NLK: variants seen among roughly 807,000 people sequenced by gnomAD.
The protein encoded by NLK is nemo like kinase.
Under a neutral mutation model 59.0 loss-of-function variants are expected in NLK, and 11 were observed. That is an observed-to-expected ratio of 0.19 (90% CI 0.12 to 0.31). The LOEUF is 0.31. Ranked by LOEUF, NLK falls within the 10% of genes least tolerant of loss-of-function variation. The pLI, the probability that NLK is intolerant of heterozygous loss-of-function variation, is 1.00. For missense variants in NLK, 410 were observed against 661.1 expected (o/e 0.62, Z 4.16); for synonymous variants, 235 against 235.9 (o/e 1.00, Z 0.03).
chr17:28,137,238 T>C (rs1303965408), intron 3 of NLK, among the ~76,000 whole-genome samples: 2 of 152,180 alleles, frequency 1.3e-5, no homozygotes, highest in Non-Finnish European at 2.9e-5. Context: ...CCTGGAATTA[T>C]GCTTTTAAGA....
intron 1 of NLK, among the ~76,000 whole-genome samples, chr17:28,117,587 G>C (rs1415555204): frequency 6.6e-6 from 1 of 152,146 alleles, no homozygotes. Context: ...ATATTTTGCT[G>C]CTCCTAAGGA....
chr17:28,130,279 CACTT>C (rs1211683553), intron 2 of NLK, among the ~76,000 whole-genome samples: 1 of 152,126 alleles, frequency 6.6e-6, no homozygotes, highest in Non-Finnish European at 1.5e-5. Context: ...TATACCTTCT[CACTT>C]ACTCATTTAC....
At chr17:28,048,048 G>A (rs867259023) in intron 1 of NLK, 19 of 397,940 alleles carry the variant, frequency 4.8e-5, no homozygotes, top group South Asian at 1.3e-4. Flanking sequence ...AAAAGGAAAC[G>A]GTTGCTCTTC....
chr17:28,191,919 G>A (rs1304851959), intron 9 of NLK, among the ~76,000 whole-genome samples: 1 of 152,200 alleles, frequency 6.6e-6, no homozygotes, highest in East Asian at 1.9e-4. Flanking sequence ...AATGCCACCA[G>A]TAGGTTTCTT....
At chr17:28,114,501 T>C (rs1472217652) in intron 1 of NLK, among the ~76,000 whole-genome samples, 1 of 152,228 alleles carries the variant, frequency 6.6e-6, no homozygotes, top group Non-Finnish European at 1.5e-5. Context: ...TCTTCTCCTA[T>C]GTGACTTGCA....
chr17:28,090,168 C>T (rs749479270), intron 1 of NLK, among the ~76,000 whole-genome samples: 6 of 152,236 alleles, frequency 3.9e-5, no homozygotes, highest in Middle Eastern at 3.4e-3. Flanking sequence ...ACATCTTTAA[C>T]CTATCACAGT....
intron 3 of NLK, among the ~76,000 whole-genome samples, chr17:28,134,182 G>A (rs1906637729): frequency 6.6e-6 from 1 of 152,090 alleles, no homozygotes; most frequent in Non-Finnish European, 1.5e-5. Context: ...CAGATCACTT[G>A]AGCCCAGGAG....
chr17:28,093,483 T>A (rs1904583707), intron 1 of NLK, among the ~76,000 whole-genome samples: 1 of 152,134 alleles, frequency 6.6e-6, no homozygotes. Flanking sequence ...ATAAAAAAAA[T>A]TCTGTGAAAT....
At chr17:28,150,856 G>A (rs1228523947) in intron 3 of NLK, among the ~76,000 whole-genome samples, 1 of 152,162 alleles carries the variant, frequency 6.6e-6, no homozygotes, top group African/African-American at 2.4e-5. Flanking sequence ...GTTTAAATAG[G>A]AGAGATGGTT....
chr17:28,185,290 T>G lies in NLK; in HGVS notation c.1236+25T>G, dbSNP rs761702417. The G allele has an allele frequency of 2.9e-6, 4 of 1,373,086 alleles. No individual in the cohort carries two copies. The African/African-American group carries it at 5.9e-5, about 20-fold the overall frequency. The allele number at this position is 1,373,086 out of a possible 1,614,324, so 85.1% of individuals were successfully genotyped here. A position where few individuals can be genotyped will look rare whatever the true frequency, so the allele number is the denominator to read the frequency against. ...AGTAAGTAGTGTTTTTTTTTATATA[T>G]TTTTAATGAATTACAAATACATGTG... On this transcript the variant is annotated intron_variant, in intron 8 of 10. Coordinates refer to ENST00000407008, the MANE Select transcript of NLK (RefSeq NM_016231.5).
At chr17:28,106,529 TAAAC>T (rs1425679446) in intron 1 of NLK, among the ~76,000 whole-genome samples, 1 of 152,148 alleles carries the variant, frequency 6.6e-6, no homozygotes, top group South Asian at 2.1e-4. Context: ...TCAGTTCAAA[TAAAC>T]AAAAATTTAA....
chr17:28,121,930 A>G (rs764417300), intron 1 of NLK, among the ~76,000 whole-genome samples: 7 of 151,982 alleles, frequency 4.6e-5, no homozygotes, highest in Non-Finnish European at 7.3e-5. Flanking sequence ...GAAGGCAAAA[A>G]GAGAAAAAAA....
At chr17:28,123,963 T>A (rs987608298) in intron 2 of NLK, among the ~76,000 whole-genome samples, 2 of 152,220 alleles carry the variant, frequency 1.3e-5, no homozygotes, top group African/African-American at 4.8e-5. Context: ...CTCATGAGTC[T>A]GAGTGCTTAT....
chr17:28,061,042 A>C (rs1435758638), intron 1 of NLK, among the ~76,000 whole-genome samples: 1 of 152,176 alleles, frequency 6.6e-6, no homozygotes, highest in Non-Finnish European at 1.5e-5. Context: ...GTGACCACTT[A>C]AGATGGGGTC....
chr17:28,127,085 G>T (rs1422326889), intron 2 of NLK, among the ~76,000 whole-genome samples: 6 of 152,110 alleles, frequency 3.9e-5, no homozygotes, highest in Admixed American at 1.3e-4. Flanking sequence ...CCCCTGTAAC[G>T]CAAGTCTTGG....
chr17:28,061,929 ATATATATTTT>A (rs1909671288), intron 1 of NLK: 1 of 140,444 alleles, frequency 7.1e-6, no homozygotes, highest in South Asian at 2.3e-4. Flanking sequence ...ATACATATAT[ATATATATTTT>A]TTTTTTTTTT....
intron 1 of NLK, among the ~76,000 whole-genome samples, chr17:28,052,052 A>G (rs1909276299): frequency 6.6e-6 from 1 of 151,446 alleles, no homozygotes; most frequent in Admixed American, 6.6e-5. Flanking sequence ...TCTATTACTG[A>G]GTTATTGGTA....
intron 1 of NLK, among the ~76,000 whole-genome samples, chr17:28,064,119 A>G (rs150894308): frequency 1.3e-5 from 2 of 150,424 alleles, no homozygotes; most frequent in African/African-American, 4.9e-5. Flanking sequence ...TGGCTAACAT[A>G]GTAGTTAACA....
intron 3 of NLK, among the ~76,000 whole-genome samples, chr17:28,138,939 G>A (rs553217956): frequency 2.0e-5 from 3 of 152,270 alleles, no homozygotes; most frequent in Admixed American, 6.5e-5. Context: ...AATGACAATA[G>A]TATAGGTTGG....
Sources: gnomAD v4.1 joint callset for allele counts (sites outside exome capture counted in the v4.1 genomes callset) on GRCh38, gnomAD v4.1.1 for gene constraint, MANE v1.5 for transcripts, NCBI Gene and HGNC (gene_info 2026-07-23, HGNC 2026-07-21) for gene names.